Variants in ANO6 observed in about 807,000 individuals in gnomAD.
ANO6 encodes the protein anoctamin 6.
A neutral mutation model predicts 117.5 loss-of-function variants in ANO6; 106 were observed. The observed-to-expected ratio is 0.90, with a 90% CI of 0.77 to 1.06. The LOEUF is 1.06. ANO6 is among the 50% of genes least tolerant of loss of function. ANO6 has a pLI of 0.00. For missense variants in ANO6, 955 were observed against 1,121.1 expected (o/e 0.85, Z 2.12); for synonymous variants, 367 against 385.1 (o/e 0.95, Z 0.55).
chr12:45,251,331 A>G (rs569157897), intron 1 of ANO6, among the ~76,000 whole-genome samples: 12 of 152,344 alleles, frequency 7.9e-5, no homozygotes, highest in Admixed American at 2.0e-4. Flanking sequence ...ATGGCAAACT[A>G]TACTAGAGCT....
At position 45,351,484 on chromosome 12, in the gene ANO6, C is replaced by G. The variant is rs201091412; in HGVS notation, c.863+710C>G. Among the ~76,000 whole-genome samples the G allele has an allele frequency of 9.9e-5, 15 of 151,258 alleles. No individual in the cohort carries two copies. The South Asian group carries it at 2.7e-3, about 27-fold the overall frequency. ...GGGAGATAGACCAAGAACACCCAAACAAGCCAATAAAACATGAAAATAAAT... is the reference window on the plus strand; with the variant it reads ...GGGAGATAGACCAAGAACACCCAAAGAAGCCAATAAAACATGAAAATAAAT... On this transcript the variant is annotated intron_variant, in intron 7 of 19. Coordinates refer to ENST00000320560, the MANE Select transcript of ANO6 (RefSeq NM_001025356.3).
At chr12:45,424,633 G>A (rs541846013) in intron 19 of ANO6, among the ~76,000 whole-genome samples, 6 of 152,114 alleles carry the variant, frequency 3.9e-5, no homozygotes, top group South Asian at 2.1e-4. Flanking sequence ...CACTGCGCCC[G>A]GCCTAGGTGA....
In ANO6 at chr12:45,388,224, T is replaced by C; in HGVS notation, c.1229T>C (p.Val410Ala). 1 of 1,614,114 alleles carries C rather than the reference T, an allele frequency of 6.2e-7. No individual in the cohort carries two copies. Among genetic ancestry groups the C allele is most frequent in the Non-Finnish European group, 8.5e-7 (1 of 1,179,998 alleles). ...QAELEYEWDT[V>A]ELQQEEQARP... ...GAACTTGAGTATGAATGGGATACTG[T>C]TGAGTTACAGCAGGAAGAACAAGCC... Residue 410 changes from valine to alanine, a missense_variant, in exon 11 of 20, where the codon GTT (valine) becomes GCT (alanine). Physicochemically the swap from Val to Ala is moderately conservative, Grantham distance 64 (BLOSUM62 0). Transcript: ENST00000320560.
At chr12:45,285,913 C>G (rs1436402859) in intron 1 of ANO6, among the ~76,000 whole-genome samples, 1 of 152,122 alleles carries the variant, frequency 6.6e-6, no homozygotes, top group African/African-American at 2.4e-5. Flanking sequence ...GTCTGAGTTT[C>G]CCTCAGATAG....
chr12:45,255,492 T>G (rs143923788), intron 1 of ANO6, among the ~76,000 whole-genome samples: 412 of 152,100 alleles, frequency 2.7e-3, no homozygotes, highest in African/African-American at 9.1e-3. Context: ...GGACTCCATC[T>G]CAAAAAAATA....
intron 1 of ANO6, among the ~76,000 whole-genome samples, chr12:45,262,955 G>T (rs1938090710): frequency 1.3e-5 from 2 of 152,104 alleles, no homozygotes; most frequent in South Asian, 2.1e-4. Context: ...CAATTAGTAG[G>T]CAGGTTGAGT....
At chr12:45,228,291 CTTTTTTTTTT>C (rs34786875) in intron 1 of ANO6, 5 of 166,956 alleles carry the variant, frequency 3.0e-5, no homozygotes, top group African/African-American at 1.8e-4. Flanking sequence ...CCAGGCCCTC[CTTTTTTTTTT>C]TTTTTTTTTT....
chr12:45,230,626 A>C (rs986445611), intron 1 of ANO6, among the ~76,000 whole-genome samples: 9 of 151,956 alleles, frequency 5.9e-5, no homozygotes, highest in Admixed American at 4.6e-4. Flanking sequence ...TAAATATATA[A>C]TTTTAGTATG....
chr12:45,350,850 T>G lies in ANO6; in HGVS notation c.863+76T>G, dbSNP rs1941262500. Reference sequence around the variant, plus strand: ...CCACAGCATCTGAATGTGACAGTACTCATCAAGACTCTTGCCAGTGAAGGG... The same window carrying G: ...CCACAGCATCTGAATGTGACAGTACGCATCAAGACTCTTGCCAGTGAAGGG... On this transcript the variant is annotated intron_variant, in intron 7 of 19. Transcript: ENST00000320560. The G allele has an allele frequency of 3.3e-6, 4 of 1,222,256 alleles. No individual in the cohort carries two copies. In the South Asian group the frequency reaches 3.8e-5, roughly 12 times the overall value. 75.7% of individuals were successfully genotyped at this position (1,222,256 alleles called of 1,614,324 possible). A position where few individuals can be genotyped will look rare whatever the true frequency, so the allele number is the denominator to read the frequency against.
At chr12:45,291,668 AAGAATATGTAC>A (rs1939105447) in intron 1 of ANO6, among the ~76,000 whole-genome samples, 1 of 152,234 alleles carries the variant, frequency 6.6e-6, no homozygotes, top group Non-Finnish European at 1.5e-5. Flanking sequence ...GTTTTTCCAA[AAGAATATGTAC>A]AGATATCTAA....
At position 45,231,657 on chromosome 12, in the gene ANO6, C is replaced by CT. The variant is rs199717500; in HGVS notation, c.70+15267dup. Reference sequence around the variant, plus strand: ...TGTCCACTGGATTTCAGGCTGTACTCTATTTGGAAGATTGCCAGACCATCT... The same window carrying CT: ...TGTCCACTGGATTTCAGGCTGTACTCTTATTTGGAAGATTGCCAGACCATCT... On this transcript the variant is annotated intron_variant, in intron 1 of 19. Transcript: ENST00000320560. Among the ~76,000 whole-genome samples, 33 of 152,306 alleles carry CT rather than the reference C, an allele frequency of 2.2e-4. No homozygotes were observed. The East Asian group carries it at 6.0e-3, about 28-fold the overall frequency.
At chr12:45,230,396 C>T (rs1362118430) in intron 1 of ANO6, among the ~76,000 whole-genome samples, 5 of 150,688 alleles carry the variant, frequency 3.3e-5, no homozygotes, top group Admixed American at 6.6e-5. Context: ...GGTAATGATA[C>T]TCTACTTGGA....
chr12:45,225,938 A>G (rs547517303), intron 1 of ANO6, among the ~76,000 whole-genome samples: 1 of 152,338 alleles, frequency 6.6e-6, no homozygotes, highest in African/African-American at 2.4e-5. Context: ...TTGGTAAATC[A>G]TATGTAAAGA....
intron 10 of ANO6, among the ~76,000 whole-genome samples, chr12:45,387,917 G>A (rs1200165596): frequency 6.6e-6 from 1 of 152,058 alleles, no homozygotes; most frequent in African/African-American, 2.4e-5. Flanking sequence ...CTATTGCCAT[G>A]TAAGACGTGT....
At chr12:45,384,987 A>G (rs1406470326) in intron 10 of ANO6, among the ~76,000 whole-genome samples, 1 of 152,204 alleles carries the variant, frequency 6.6e-6, no homozygotes, top group Non-Finnish European at 1.5e-5. Context: ...GGTTATGTGT[A>G]GAGGTGAGCA....
chr12:45,352,110 C>T (rs58824383), intron 7 of ANO6, among the ~76,000 whole-genome samples: 4,928 of 152,048 alleles, frequency 0.032, 243 homozygotes, highest in African/African-American at 0.11. Flanking sequence ...TGTCTCAACA[C>T]CCCATGCACT....
chr12:45,319,113 C>G (rs1224756664), intron 2 of ANO6, among the ~76,000 whole-genome samples: 2 of 152,180 alleles, frequency 1.3e-5, no homozygotes, highest in African/African-American at 4.8e-5. Flanking sequence ...TTATTTCTTT[C>G]TCCTGCCTGA....
chr12:45,326,123 A>G (rs1373936258), intron 2 of ANO6, among the ~76,000 whole-genome samples: 1 of 152,282 alleles, frequency 6.6e-6, no homozygotes, highest in East Asian at 1.9e-4. Context: ...CAGGGTCTAA[A>G]ATGTGGTATT....
intron 1 of ANO6, chr12:45,256,666 A>G (rs1402308008): frequency 6.6e-6 from 1 of 152,190 alleles, no homozygotes. Context: ...TTTGATATTT[A>G]TTATAAAGCA....
Sources: gnomAD v4.1 joint callset for allele counts (sites outside exome capture counted in the v4.1 genomes callset) on GRCh38, gnomAD v4.1.1 for gene constraint, MANE v1.5 for transcripts, NCBI Gene and HGNC (gene_info 2026-07-23, HGNC 2026-07-21) for gene names.